ROBO1: variants seen among roughly 807,000 people sequenced by gnomAD.
ROBO1 encodes the protein roundabout homolog 1.
Under a neutral mutation model 195.9 loss-of-function variants are expected in ROBO1, and 149 were observed. The observed-to-expected ratio is 0.76, with a 90% CI of 0.67 to 0.87. The LOEUF is 0.87. Among genes scored for constraint, ROBO1 ranks in the 40% least tolerant of loss-of-function variants. The pLI, the probability that ROBO1 is intolerant of heterozygous loss-of-function variation, is 0.00. For missense variants in ROBO1, 1,933 were observed against 2,068.3 expected (o/e 0.93, Z 1.27); for synonymous variants, 816 against 733.2 (o/e 1.11, Z -1.82).
At chr3:79,561,240 C>T (rs1438015945) in intron 2 of ROBO1, among the ~76,000 whole-genome samples, 1 of 152,122 alleles carries the variant, frequency 6.6e-6, no homozygotes, top group African/African-American at 2.4e-5. Context: ...CAGTTAAAAA[C>T]GTACACTTTG....
chr3:79,036,957 T>C (rs1229296063), intron 3 of ROBO1, among the ~76,000 whole-genome samples: 1 of 152,148 alleles, frequency 6.6e-6, no homozygotes, highest in Non-Finnish European at 1.5e-5. Flanking sequence ...ATTGTGTCTA[T>C]AAATCGATGA....
chr3:78,913,555 T>G (rs2038379416), intron 4 of ROBO1, among the ~76,000 whole-genome samples: 1 of 152,128 alleles, frequency 6.6e-6, no homozygotes, highest in African/African-American at 2.4e-5. Context: ...GAAAAATAAT[T>G]TCAAATATAA....
intron 3 of ROBO1, among the ~76,000 whole-genome samples, chr3:78,983,019 C>T (rs1176228269): frequency 1.3e-5 from 2 of 152,010 alleles, no homozygotes; most frequent in Non-Finnish European, 2.9e-5. Context: ...GGGATCCTCC[C>T]ACCTCAGCCT....
intron 2 of ROBO1, among the ~76,000 whole-genome samples, chr3:79,442,223 T>A (rs2039080298): frequency 6.6e-6 from 1 of 152,242 alleles, no homozygotes; most frequent in East Asian, 1.9e-4. Flanking sequence ...TAGATTTTTT[T>A]CCCCTGAATT....
At chr3:78,778,086 G>T (rs1440304883) in intron 4 of ROBO1, among the ~76,000 whole-genome samples, 1 of 152,172 alleles carries the variant, frequency 6.6e-6, no homozygotes, top group African/African-American at 2.4e-5. Flanking sequence ...CATCTATTGA[G>T]ATAATCATTT....
chr3:79,247,129 G>GTT lies in ROBO1; in HGVS notation c.89-121592_89-121591dup, dbSNP rs575917340. Among the ~76,000 whole-genome samples, 398 of 134,786 alleles carry GTT rather than the reference G, an allele frequency of 3.0e-3. 6 individuals are homozygous for GTT. Among genetic ancestry groups the GTT allele is most frequent in the African/African-American group, 8.3e-3 (299 of 36,156 alleles). The allele number at this position is 134,786 out of a possible 152,430, so 88.4% of individuals were successfully genotyped here. A position where few individuals can be genotyped will look rare whatever the true frequency, so the allele number is the denominator to read the frequency against. ...AAAAGCATTAAGGCTCCTGTTTACTGTTTTTTTTTTTTTGTAAGAAGTATA... is the reference window on the plus strand; with the variant it reads ...AAAAGCATTAAGGCTCCTGTTTACTGTTTTTTTTTTTTTTTGTAAGAAGTATA... On this transcript the variant is annotated intron_variant, in intron 2 of 30. Coordinates refer to ENST00000464233, the MANE Select transcript of ROBO1 (RefSeq NM_002941.4).
Position 78,606,986 on chromosome 3 carries a change from G to C in ROBO1, c.4491C>G (p.Ser1497=), listed in dbSNP as rs778430695. Residue 1497 remains serine (S), a synonymous_variant, in exon 29 of 31, where the codon TCC becomes TCG. Coordinates refer to ENST00000464233, the MANE Select transcript of ROBO1 (RefSeq NM_002941.4). ...PPAIKSPTAQ[S]KTQLEVRPVV... ...CAGGTCGTACTTCCAGCTGTGTCTTGGATTGGGCAGTAGGTGACTTTATAG... is the reference window on the plus strand; with the variant it reads ...CAGGTCGTACTTCCAGCTGTGTCTTCGATTGGGCAGTAGGTGACTTTATAG... The C allele has an allele frequency of 6.2e-7, 1 of 1,613,804 alleles. No homozygotes were observed. The highest frequency in any genetic ancestry group is 8.5e-7 in the Non-Finnish European group (1 of 1,179,874).
intron 3 of ROBO1, among the ~76,000 whole-genome samples, chr3:79,020,549 G>A (rs973317940): frequency 1.3e-5 from 2 of 152,182 alleles, no homozygotes; most frequent in Non-Finnish European, 1.5e-5. Flanking sequence ...AAAATTAGCC[G>A]GGCGTGGTGG....
At chr3:78,668,098 A>T (rs1575882277) in intron 13 of ROBO1, 36 bp downstream of exon 13, 1 of 1,611,000 alleles carries the variant, frequency 6.2e-7, no homozygotes, top group Non-Finnish European at 8.5e-7. Context: ...TGGAGAATCA[A>T]AAAAGAACAA....
At chr3:78,903,133 C>A (rs1039832902) in intron 4 of ROBO1, among the ~76,000 whole-genome samples, 11 of 152,034 alleles carry the variant, frequency 7.2e-5, no homozygotes, top group African/African-American at 2.7e-4. Context: ...CAAATATTTA[C>A]AAATATATCA....
At chr3:79,642,329 T>C (rs9309826) in intron 1 of ROBO1, among the ~76,000 whole-genome samples, 86,743 of 151,866 alleles carry the variant, frequency 0.57, 25,029 homozygotes, top group South Asian at 0.67. Context: ...AAGGGGGACT[T>C]CAGTAAGAGC....
At chr3:79,687,984 T>C (rs1263300527) in intron 1 of ROBO1, among the ~76,000 whole-genome samples, 1 of 151,898 alleles carries the variant, frequency 6.6e-6, no homozygotes, top group South Asian at 2.1e-4. Context: ...TGTCCAACAA[T>C]GATAGACTGG....
At chr3:79,498,957 C>T (rs1939903856) in intron 2 of ROBO1, among the ~76,000 whole-genome samples, 1 of 152,146 alleles carries the variant, frequency 6.6e-6, no homozygotes, top group Non-Finnish European at 1.5e-5. Context: ...TTAACAAATG[C>T]TTACATTTCA....
rs1235881051 is a variant in ROBO1 at position 79,698,427 on chromosome 3, A to G, written c.-51+69325T>C. Among the ~76,000 whole-genome samples, 3 of 151,640 alleles carry G rather than the reference A, an allele frequency of 2.0e-5. No homozygotes were observed. In the East Asian group the frequency reaches 5.8e-4, roughly 29 times the overall value. On this transcript the variant is annotated intron_variant, in intron 1 of 30. Transcript: ENST00000464233. ...AGTAAGGTAAATGGATAGATGAAGTAGACAGATTCACCTCTTTTAATTTTG... is the reference window on the plus strand; with the variant it reads ...AGTAAGGTAAATGGATAGATGAAGTGGACAGATTCACCTCTTTTAATTTTG...
chr3:78,943,150 A>T (rs921778797), intron 3 of ROBO1, among the ~76,000 whole-genome samples: 2 of 151,854 alleles, frequency 1.3e-5, no homozygotes, highest in East Asian at 3.9e-4. Context: ...TGGGAGGCGG[A>T]GCTTACAGTG....
chr3:79,605,506 T>C (rs1039715703), intron 1 of ROBO1, among the ~76,000 whole-genome samples: 1 of 151,922 alleles, frequency 6.6e-6, no homozygotes, highest in Non-Finnish European at 1.5e-5. Context: ...CTTGATTAAA[T>C]CTTTCCCTTC....
chr3:78,969,790 C>G lies in ROBO1; in HGVS notation c.173-30863G>C, dbSNP rs893867207. Among the ~76,000 whole-genome samples the G allele has an allele frequency of 1.4e-4, 21 of 152,134 alleles. 1 individual carries two copies. The highest frequency in any genetic ancestry group is 5.1e-4 in the African/African-American group (21 of 41,424). Reference sequence around the variant, plus strand: ...TTATTTTATACAAAAATCATATGGACACAAACTTAATTTTCCATTGCACAT... The same window carrying G: ...TTATTTTATACAAAAATCATATGGAGACAAACTTAATTTTCCATTGCACAT... On this transcript the variant is annotated intron_variant, in intron 3 of 30. Coordinates refer to ENST00000464233, the MANE Select transcript of ROBO1 (RefSeq NM_002941.4).
intron 1 of ROBO1, among the ~76,000 whole-genome samples, chr3:79,615,271 C>G (rs941878775): frequency 1.3e-5 from 2 of 152,194 alleles, no homozygotes; most frequent in African/African-American, 4.8e-5. Flanking sequence ...GATTCCAGGT[C>G]TTTACATAAA....
chr3:78,739,346 A>T (rs561783914), intron 5 of ROBO1, among the ~76,000 whole-genome samples: 2 of 152,010 alleles, frequency 1.3e-5, no homozygotes, highest in Admixed American at 6.6e-5. Context: ...ACTTAACTCA[A>T]TTTTTCATTT....
Sources: gnomAD v4.1 joint callset for allele counts (sites outside exome capture counted in the v4.1 genomes callset) on GRCh38, gnomAD v4.1.1 for gene constraint, MANE v1.5 for transcripts, NCBI Gene and HGNC (gene_info 2026-07-23, HGNC 2026-07-21) for gene names.